Variants in IQCB1 observed in about 807,000 individuals in gnomAD.
The protein encoded by IQCB1 is IQ motif containing B1, also known as IQ calmodulin-binding motif-containing protein 1.
IQCB1 carries 56 observed loss-of-function variants against 84.4 expected under a neutral mutation model. The ratio of observed to expected loss-of-function variants is 0.66; its 90% CI spans 0.54 to 0.83. The LOEUF (loss-of-function observed/expected upper bound fraction) is 0.83, where lower values mean the gene tolerates loss of function less well. Among genes scored for constraint, IQCB1 ranks in the 40% least tolerant of loss-of-function variants. The pLI, the probability that IQCB1 is intolerant of heterozygous loss-of-function variation, is 0.00. For synonymous variants in IQCB1, 210 were observed against 234.8 expected (o/e 0.89, Z 0.96); for missense variants, 629 against 682.1 (o/e 0.92, Z 0.87).
chr3:121,833,023 G>A (rs1455920063), intron 2 of IQCB1, among the ~76,000 whole-genome samples: 1 of 152,200 alleles, frequency 6.6e-6, no homozygotes, highest in South Asian at 2.1e-4. Flanking sequence ...GTCTATTCTT[G>A]AGCTAGTACA....
chr3:121,828,106 T>C (rs1420657408), intron 4 of IQCB1, among the ~76,000 whole-genome samples: 1 of 152,148 alleles, frequency 6.6e-6, no homozygotes, highest in Non-Finnish European at 1.5e-5. Context: ...CTTTGTATCA[T>C]ATACTTACAT....
intron 7 of IQCB1, among the ~76,000 whole-genome samples, chr3:121,805,206 A>C (rs1949560059): frequency 6.6e-6 from 1 of 152,196 alleles, no homozygotes; most frequent in Non-Finnish European, 1.5e-5. Flanking sequence ...CAGTACCAGT[A>C]AAATCAAATC....
At chr3:121,816,050 T>C (rs763042773) in intron 5 of IQCB1, among the ~76,000 whole-genome samples, 2 of 151,480 alleles carry the variant, frequency 1.3e-5, no homozygotes, top group Admixed American at 1.3e-4. Context: ...CAAAACAGCA[T>C]GGTACTGGTA....
At chr3:121,784,452 G>A (rs368929741) in intron 12 of IQCB1, among the ~76,000 whole-genome samples, 16 of 151,860 alleles carry the variant, frequency 1.1e-4, no homozygotes, top group South Asian at 1.0e-3. Flanking sequence ...CATTTTATAC[G>A]GTATCTTGGT....
intron 13 of IQCB1, among the ~76,000 whole-genome samples, chr3:121,775,198 C>T (rs1360229935): frequency 1.3e-5 from 2 of 152,086 alleles, no homozygotes; most frequent in Non-Finnish European, 2.9e-5. Flanking sequence ...CTCTCCAACT[C>T]GGTTCTGGTG....
At chr3:121,775,438 C>T (rs551468042) in intron 13 of IQCB1, among the ~76,000 whole-genome samples, 27 of 152,132 alleles carry the variant, frequency 1.8e-4, no homozygotes, top group Admixed American at 6.5e-4. Flanking sequence ...AACACGTGGA[C>T]GCAGGGAGGG....
intron 7 of IQCB1, among the ~76,000 whole-genome samples, chr3:121,800,997 C>T (rs140156261): frequency 1.3e-5 from 2 of 151,920 alleles, no homozygotes; most frequent in Non-Finnish European, 2.9e-5. Flanking sequence ...TTTCTACTTA[C>T]TCAGCTTCTG....
intron 13 of IQCB1, among the ~76,000 whole-genome samples, chr3:121,774,943 AT>A (rs1232548088): frequency 6.6e-6 from 1 of 152,264 alleles, no homozygotes; most frequent in African/African-American, 2.4e-5. Flanking sequence ...AATTTTAAAA[AT>A]ACAGATACAT....
intron 13 of IQCB1, among the ~76,000 whole-genome samples, chr3:121,775,204 T>C (rs1948173630): frequency 6.6e-6 from 1 of 152,194 alleles, no homozygotes. Context: ...AACTCGGTTC[T>C]GGTGTTTGGC....
chr3:121,783,459 A>T (rs551555549), intron 12 of IQCB1, among the ~76,000 whole-genome samples: 1 of 152,342 alleles, frequency 6.6e-6, no homozygotes, highest in Admixed American at 6.5e-5. Context: ...GACCACATAA[A>T]GGCTATTCAC....
At chr3:121,772,940 ATACTT>A (rs1269461930) in intron 13 of IQCB1, among the ~76,000 whole-genome samples, 3 of 151,680 alleles carry the variant, frequency 2.0e-5, no homozygotes, top group Admixed American at 6.6e-5. Context: ...GTATGTGCCT[ATACTT>A]TACTTTCTCA....
At chr3:121,830,375 G>C (rs1165534229) in intron 2 of IQCB1, among the ~76,000 whole-genome samples, 1 of 151,624 alleles carries the variant, frequency 6.6e-6, no homozygotes, top group Non-Finnish European at 1.5e-5. Flanking sequence ...AGACTAGCCT[G>C]GTCAACAAAG....
chr3:121,793,268 G>A (rs1949064428), intron 10 of IQCB1, among the ~76,000 whole-genome samples: 1 of 152,176 alleles, frequency 6.6e-6, no homozygotes, highest in African/African-American at 2.4e-5. Context: ...GTACTTAAGA[G>A]ACAAAGTTTC....
At chr3:121,790,297 G>A in intron 10 of IQCB1, 82 bp from the exon 11 acceptor site, 1 of 1,291,406 alleles carries the variant, frequency 7.7e-7, no homozygotes, top group Non-Finnish European at 1.1e-6. Flanking sequence ...TCAAATAAAT[G>A]TAAACAGAAA....
chr3:121,770,237 C>T lies in IQCB1; in HGVS notation c.*108G>A. ...CTGCAGGTCTTGTCTGGAGGAGAAC[C>T]TCTGGAAAATAATAAGTTAGGATGG... On this transcript the variant is annotated 3_prime_UTR_variant, in exon 15 of 15. Coordinates refer to ENST00000310864, the MANE Select transcript of IQCB1 (RefSeq NM_001023570.4). 1.4e-6 allele frequency: 1 copy of T among 739,670 alleles called. No individual in the cohort carries two copies. Among genetic ancestry groups the T allele is most frequent in the Non-Finnish European group, 2.4e-6 (1 of 424,776 alleles). The allele number at this position is 739,670 out of a possible 1,614,324, so 45.8% of individuals were successfully genotyped here. A position where few individuals can be genotyped will look rare whatever the true frequency, so the allele number is the denominator to read the frequency against.
intron 7 of IQCB1, 137 bp downstream of exon 7, chr3:121,807,207 T>C (rs566804271): frequency 3.2e-6 from 2 of 620,008 alleles, no homozygotes; most frequent in Non-Finnish European, 6.0e-6. Flanking sequence ...ATATACATTA[T>C]ATACGAGTAT....
chr3:121,809,932 GA>G (rs1348103496), intron 5 of IQCB1, among the ~76,000 whole-genome samples: 1 of 141,318 alleles, frequency 7.1e-6, no homozygotes, highest in African/African-American at 2.6e-5. Context: ...GTGCTGACTT[GA>G]ATATAACAAT....
intron 5 of IQCB1, among the ~76,000 whole-genome samples, chr3:121,811,528 C>T (rs533863976): frequency 4.6e-5 from 7 of 152,292 alleles, no homozygotes; most frequent in African/African-American, 1.7e-4. Flanking sequence ...TTGAAATTCT[C>T]GCTCCCAGCA....
rs77354343 is a variant in IQCB1, at chr3:121,788,690, T to C, written c.1130-258A>G. Reference sequence around the variant, plus strand: ...AATAAGAAAATGGCTGAAAATCCAATACAAAGAACACTAAAAAAAAAAAAA... The same window carrying C: ...AATAAGAAAATGGCTGAAAATCCAACACAAAGAACACTAAAAAAAAAAAAA... On this transcript the variant is annotated intron_variant, in intron 11 of 14. Transcript: ENST00000310864. Among the ~76,000 whole-genome samples, 1,755 of 136,652 alleles carry C rather than the reference T, an allele frequency of 0.013. 11 individuals carry two copies. The highest frequency in any genetic ancestry group is 0.018 in the Non-Finnish European group (1,166 of 63,134). 89.6% of individuals were successfully genotyped at this position (136,652 alleles called of 152,430 possible).
Sources: gnomAD v4.1 joint callset for allele counts (sites outside exome capture counted in the v4.1 genomes callset) on GRCh38, gnomAD v4.1.1 for gene constraint, MANE v1.5 for transcripts, NCBI Gene and HGNC (gene_info 2026-07-23, HGNC 2026-07-21) for gene names.